Variants in GRIN2D observed in about 807,000 individuals in gnomAD.
GRIN2D encodes glutamate ionotropic receptor NMDA type subunit 2D.
Under a neutral mutation model 103.2 loss-of-function variants are expected in GRIN2D, and 37 were observed. The ratio of observed to expected loss-of-function variants is 0.36; its 90% CI spans 0.28 to 0.47. The LOEUF (loss-of-function observed/expected upper bound fraction) is 0.47. Ranked by LOEUF, GRIN2D falls within the 20% of genes least tolerant of loss-of-function variation. GRIN2D has a pLI of 1.00. For missense variants in GRIN2D, 1,557 were observed against 1,910.6 expected (o/e 0.81, Z 3.45); for synonymous variants, 845 against 885.6 (o/e 0.95, Z 0.81).
At chr19:48,431,936 C>G (rs955565417) in intron 11 of GRIN2D, among the ~76,000 whole-genome samples, 3 of 123,084 alleles carry the variant, frequency 2.4e-5, no homozygotes, top group Non-Finnish European at 5.0e-5. Flanking sequence ...TTTTTTGAGA[C>G]AGAGTCTTGC....
In GRIN2D at chr19:48,404,943, T is replaced by G. The variant is rs755944791; in HGVS notation, c.675T>G (p.Pro225=). 3 of 1,612,858 alleles carry G rather than the reference T, an allele frequency of 1.9e-6. No individual in the cohort carries two copies. The highest frequency in any genetic ancestry group is 3.3e-5 in the Admixed American group (2 of 59,964). Residue 225 remains proline (P), a synonymous_variant, in exon 4 of 14, where the codon CCT becomes CCG. Coordinates refer to ENST00000263269, the MANE Select transcript of GRIN2D (RefSeq NM_000836.4). The part of the protein sequence containing the change: ...WEHRGALTLD[P]GAGEAVLSAQ... ...ACCGCGGAGCGCTGACGCTGGACCC[T>G]GGGGCGGGCGAGGCCGTGCTCAGTG... is the stretch of plus-strand genomic sequence containing the variant.
intron 4 of GRIN2D, among the ~76,000 whole-genome samples, chr19:48,409,083 C>G: frequency 6.6e-6 from 1 of 151,782 alleles, no homozygotes; most frequent in Non-Finnish European, 1.5e-5. Flanking sequence ...CTTTCAGCAT[C>G]ATTACATGAG....
chr19:48,404,060 A>T (rs1050001851), intron 3 of GRIN2D, among the ~76,000 whole-genome samples: 3 of 152,102 alleles, frequency 2.0e-5, no homozygotes, highest in African/African-American at 7.2e-5. Flanking sequence ...GCCAACATGG[A>T]GAAAACCCGT....
rs998601337 is a variant in GRIN2D at position 48,442,104 on chromosome 19, C to A, written c.2441-46C>A. The A allele has an allele frequency of 1.9e-6, 3 of 1,572,938 alleles. No individual in the cohort carries two copies. In the African/African-American group the frequency reaches 4.0e-5, roughly 21 times the overall value. ...CATTCCCACATCACAGACAAGGGTC[C>A]TCAGAGGGTACTCATAGCAGGTGAC... On this transcript the variant is annotated intron_variant, in intron 12 of 13. Transcript: ENST00000263269. This position sits in a 1 kb window ranked among gnomAD's most constrained non-coding sequence, Gnocchi z 7.2.
In GRIN2D at chr19:48,398,357, G is replaced by T; in HGVS notation, c.-26-10G>T. On this transcript the variant is annotated splice_polypyrimidine_tract_variant and intron_variant, in intron 2 of 13. Transcript: ENST00000263269. ...CTCTCCTCCCCGTCTCTCCCGGCCC[G>T]GGCGCTCAGAGGCCGCCCGGCGGGG... The T allele has an allele frequency of 9.2e-7, 1 of 1,090,518 alleles. No homozygotes were observed. Among genetic ancestry groups the T allele is most frequent in the Non-Finnish European group, 1.1e-6 (1 of 894,334 alleles). The allele number at this position is 1,090,518 out of a possible 1,614,324, so 67.6% of individuals were successfully genotyped here.
At chr19:48,402,550 T>C (rs1970729467) in intron 3 of GRIN2D, among the ~76,000 whole-genome samples, 2 of 151,274 alleles carry the variant, frequency 1.3e-5, no homozygotes, top group Admixed American at 6.6e-5. Context: ...ACCCCGTCTC[T>C]ACTAAAAATA....
At chr19:48,415,699 G>A (rs1490391125) in intron 7 of GRIN2D, among the ~76,000 whole-genome samples, 1 of 151,576 alleles carries the variant, frequency 6.6e-6, no homozygotes, top group Non-Finnish European at 1.5e-5. Context: ...GAGGGGCCAG[G>A]AGGGTGAGAA....
At chr19:48,396,843 C>T (rs1170837174) in intron 2 of GRIN2D, among the ~76,000 whole-genome samples, 4 of 151,992 alleles carry the variant, frequency 2.6e-5, no homozygotes, top group Non-Finnish European at 2.9e-5. Context: ...AGCATGACAG[C>T]CAGGAGAGAA....
intron 4 of GRIN2D, among the ~76,000 whole-genome samples, chr19:48,411,826 G>A (rs1172329927): frequency 6.6e-6 from 1 of 151,818 alleles, no homozygotes. Flanking sequence ...ATTTTGGGGT[G>A]AAAAGAGTTT....
At chr19:48,422,079 G>A in intron 11 of GRIN2D, 134 bp downstream of exon 11, 2 of 754,536 alleles carry the variant, frequency 2.7e-6, no homozygotes, top group East Asian at 5.7e-5. Context: ...GGAGGGCGGA[G>A]GTCACTGAGG....
At chr19:48,433,977 C>G (rs1380796038) in intron 11 of GRIN2D, among the ~76,000 whole-genome samples, 2 of 148,062 alleles carry the variant, frequency 1.4e-5, no homozygotes, top group African/African-American at 5.0e-5. Context: ...GAGATGGAGT[C>G]TCGCTCTGTT....
At chr19:48,433,384 TA>T (rs2147467853) in intron 11 of GRIN2D, among the ~76,000 whole-genome samples, 1 of 151,688 alleles carries the variant, frequency 6.6e-6, no homozygotes, top group South Asian at 2.1e-4. Context: ...AAATAGAAAA[TA>T]AAGAATAAAT....
At chr19:48,441,190 C>G (rs528663073) in intron 11 of GRIN2D, among the ~76,000 whole-genome samples, 44 of 151,860 alleles carry the variant, frequency 2.9e-4, no homozygotes, top group Admixed American at 1.9e-3. Context: ...TGGTGGAACC[C>G]CGTCTCTACT....
At chr19:48,432,623 T>C (rs1044248120) in intron 11 of GRIN2D, among the ~76,000 whole-genome samples, 3 of 146,536 alleles carry the variant, frequency 2.0e-5, no homozygotes, top group Non-Finnish European at 4.5e-5. Flanking sequence ...GGACTACAGG[T>C]GTGTGCCACT....
At chr19:48,428,353 C>A (rs1053923523) in intron 11 of GRIN2D, among the ~76,000 whole-genome samples, 4 of 147,900 alleles carry the variant, frequency 2.7e-5, no homozygotes, top group African/African-American at 7.5e-5. Flanking sequence ...CCCCCTCCCC[C>A]TCCCCGCTTT....
chr19:48,426,998 T>C (rs1403452791), intron 11 of GRIN2D, among the ~76,000 whole-genome samples: 1 of 152,092 alleles, frequency 6.6e-6, no homozygotes, highest in Non-Finnish European at 1.5e-5. Context: ...AGGGAGAGTA[T>C]GCTTAGCTAT....
At position 48,393,772 on chromosome 19, in the gene GRIN2D, C is replaced by T. The variant is rs1970593578; in HGVS notation, c.-402C>T. Among the ~76,000 whole-genome samples, 1 of 152,116 alleles carries T rather than the reference C, an allele frequency of 6.6e-6. No homozygotes were observed. On this transcript the variant is annotated 5_prime_UTR_variant, in exon 1 of 14. Transcript: ENST00000263269. This position sits in a 1 kb window ranked among gnomAD's most constrained non-coding sequence, Gnocchi z 5.6. Reference sequence around the variant, plus strand: ...CCGCCGCCACCCTCGCCCGCAGCCTCCCGCAGCCTCCCTCGGCCACCGGTG... The same window carrying T: ...CCGCCGCCACCCTCGCCCGCAGCCTTCCGCAGCCTCCCTCGGCCACCGGTG...
At chr19:48,428,937 G>A (rs865947303) in intron 11 of GRIN2D, among the ~76,000 whole-genome samples, 5 of 152,094 alleles carry the variant, frequency 3.3e-5, no homozygotes, top group Non-Finnish European at 7.4e-5. Context: ...TGGAACCCTG[G>A]CAGCCCAGTT....
chr19:48,443,082 C>T lies in GRIN2D; in HGVS notation c.3156C>T (p.Asp1052=), dbSNP rs1453321692. 44 of 1,030,986 alleles carry T rather than the reference C, an allele frequency of 4.3e-5. No homozygotes were observed. Among genetic ancestry groups the T allele is most frequent in the Non-Finnish European group, 3.6e-5 (31 of 857,056 alleles). 63.9% of individuals were successfully genotyped at this position (1,030,986 alleles called of 1,614,324 possible). Reference sequence around the variant, plus strand: ...CACTCTGCCGCTTGGCCTTCGAGGACGAGAGCCCGCCGGCGCCCGCGCGGT... The same window carrying T: ...CACTCTGCCGCTTGGCCTTCGAGGATGAGAGCCCGCCGGCGCCCGCGCGGT... The part of the protein sequence containing the change: ...GPPLCRLAFE[D]ESPPAPARWP... The change falls in exon 14 of 14, where the codon GAC becomes GAT. Residue 1052 remains aspartate, a synonymous_variant. Coordinates refer to ENST00000263269, the MANE Select transcript of GRIN2D (RefSeq NM_000836.4). The surrounding 1 kb of genome is among the most constrained non-coding windows in gnomAD (Gnocchi z 8.9).
Sources: gnomAD v4.1 joint callset for allele counts (sites outside exome capture counted in the v4.1 genomes callset) on GRCh38, gnomAD v4.1.1 for gene constraint, Gnocchi (gnomAD v3.1) non-coding constraint, MANE v1.5 for transcripts, NCBI Gene and HGNC (gene_info 2026-07-23, HGNC 2026-07-21) for gene names.